FAM83F: variants seen among roughly 807,000 people sequenced by gnomAD.
The protein encoded by FAM83F is protein FAM83F.
FAM83F carries 45 observed loss-of-function variants against 42.9 expected under a neutral mutation model. That is an observed-to-expected ratio of 1.05 (90% CI 0.83 to 1.35). The LOEUF is 1.35. FAM83F is among the 40% of genes most tolerant of loss of function. The probability of loss-of-function intolerance (pLI) is 0.00; values close to 1 mark genes in which losing one functional copy is unlikely to be tolerated. For synonymous variants in FAM83F, 306 were observed against 298.3 expected (o/e 1.03, Z -0.27); for missense variants, 617 against 695.9 (o/e 0.89, Z 1.28).
intron 4 of FAM83F, 121 bp downstream of exon 4, chr22:40,022,084 G>C: frequency 3.3e-6 from 3 of 905,386 alleles, no homozygotes; most frequent in Non-Finnish European, 4.8e-6. Context: ...TGTGGGCACA[G>C]AGAGGGCAGG....
At position 40,021,709 on chromosome 22, in the gene FAM83F, A is replaced by T; in HGVS notation, c.1199A>T (p.Asp400Val). 1 of 1,613,062 alleles carries T rather than the reference A, an allele frequency of 6.2e-7. No homozygotes were observed. Among genetic ancestry groups the T allele is most frequent in the Non-Finnish European group, 8.5e-7 (1 of 1,179,852 alleles). Residue 400 changes from aspartate to valine, a missense_variant, in exon 4 of 5, where the codon GAT becomes GTT. Coordinates refer to ENST00000333407, the MANE Select transcript of FAM83F (RefSeq NM_138435.4). This position sits in a 1 kb window ranked among gnomAD's most constrained non-coding sequence, Gnocchi z 8.7. ...PIPLGELSQKDGRMVSHMHRD... is the reference protein window; with the variant it reads ...PIPLGELSQKVGRMVSHMHRD... ...CCCTTGGGAGAGCTGAGCCAGAAGG[A>T]TGGCAGGATGGTCTCTCACATGCAC...
rs894210091 is a variant in FAM83F, at chr22:40,021,857, G to A, written c.1347G>A (p.Arg449=). ...GGCTCTTCAGTCGCCGAGCCAAGAG[G>A]CCTGCGGCGCCCAATGGCATGGCCA... ...SSRLFSRRAK[R]PAAPNGMASS... Residue 449 remains arginine (R), a synonymous_variant, in exon 4 of 5, where the codon AGG becomes AGA. Coordinates refer to ENST00000333407, the MANE Select transcript of FAM83F (RefSeq NM_138435.4). This position sits in a 1 kb window ranked among gnomAD's most constrained non-coding sequence, Gnocchi z 8.7. 6.2e-7 allele frequency: 1 copy of A among 1,612,126 alleles called. No individual in the cohort carries two copies. Among genetic ancestry groups the A allele is most frequent in the South Asian group, 1.1e-5 (1 of 91,010 alleles).
Position 40,019,178 on chromosome 22 carries a change from T to C in FAM83F, c.500T>C (p.Val167Ala). The C allele has an allele frequency of 1.2e-6, 2 of 1,614,086 alleles. No homozygotes were observed. Among genetic ancestry groups the C allele is most frequent in the Non-Finnish European group, 1.7e-6 (2 of 1,180,018 alleles). Residue 167 changes from valine (V) to alanine (A), a missense_variant, in exon 2 of 5, where the codon GTG (valine) becomes GCG (alanine). Val to Ala is a moderately conservative substitution (Grantham distance 64, BLOSUM62 0). Coordinates refer to ENST00000333407, the MANE Select transcript of FAM83F (RefSeq NM_138435.4). ...CCTTTCCCCACCCAGGTCATTGCTG[T>C]GGTCATGGACCTCTTCACTGATGGT... ...MIQQAQKVIAVVMDLFTDGDI... is the reference protein window; with the variant it reads ...MIQQAQKVIAAVMDLFTDGDI...
chr22:40,041,639 CTG>C lies in FAM83F; in HGVS notation c.*12075_*12076del, dbSNP rs1291132441. Reference sequence around the variant, plus strand: ...GCAGGTTCCATCCAAAGCCGCAGTTCTGGGTGATGAGAGCTCTGAGAGCCCAG... The same window carrying C: ...GCAGGTTCCATCCAAAGCCGCAGTTCGGTGATGAGAGCTCTGAGAGCCCAG... On this transcript the variant is annotated 3_prime_UTR_variant, in exon 5 of 5. Coordinates refer to ENST00000333407, the MANE Select transcript of FAM83F (RefSeq NM_138435.4). The C allele has an allele frequency of 3.3e-5, 5 of 152,168 alleles. No homozygotes were observed. Among genetic ancestry groups the C allele is most frequent in the Non-Finnish European group, 7.3e-5 (5 of 68,028 alleles). The allele number at this position is 152,168 out of a possible 1,614,324, so 9.4% of individuals were successfully genotyped here.
intron 1 of FAM83F, among the ~76,000 whole-genome samples, chr22:40,016,026 A>G (rs1187504473): frequency 6.6e-6 from 1 of 152,072 alleles, no homozygotes; most frequent in African/African-American, 2.4e-5. Context: ...TTGGGCCAAG[A>G]TTTAGGATGG....
At chr22:40,000,683 A>G (rs1436500477) in intron 1 of FAM83F, among the ~76,000 whole-genome samples, 1 of 152,200 alleles carries the variant, frequency 6.6e-6, no homozygotes, top group Non-Finnish European at 1.5e-5. Flanking sequence ...GTCAAGCAAT[A>G]CATTCATTAG....
chr22:40,016,697 A>G (rs1419343635), intron 1 of FAM83F, among the ~76,000 whole-genome samples: 1 of 151,622 alleles, frequency 6.6e-6, no homozygotes, highest in African/African-American at 2.4e-5. Context: ...GGAGTCTCTC[A>G]TTGTCCCCCA....
intron 1 of FAM83F, among the ~76,000 whole-genome samples, chr22:40,002,988 C>T (rs1326580124): frequency 6.6e-6 from 1 of 152,158 alleles, no homozygotes; most frequent in Non-Finnish European, 1.5e-5. Context: ...GGTCTCAGCT[C>T]AAAGTGGTGT....
At chr22:40,005,691 A>C (rs1467448612) in intron 1 of FAM83F, among the ~76,000 whole-genome samples, 1 of 152,252 alleles carries the variant, frequency 6.6e-6, no homozygotes, top group African/African-American at 2.4e-5. Flanking sequence ...GGGTTGCAGC[A>C]GGGAGACCTG....
At chr22:40,014,830 C>G (rs1447659199) in intron 1 of FAM83F, among the ~76,000 whole-genome samples, 1 of 152,152 alleles carries the variant, frequency 6.6e-6, no homozygotes, top group Non-Finnish European at 1.5e-5. Flanking sequence ...GGACTGAGTT[C>G]CTTGCTCTGT....
intron 1 of FAM83F, among the ~76,000 whole-genome samples, chr22:40,000,392 C>T (rs1027281120): frequency 6.6e-6 from 1 of 152,130 alleles, no homozygotes; most frequent in Non-Finnish European, 1.5e-5. Flanking sequence ...TACAGATGCC[C>T]CCGGGCATGG....
At chr22:40,005,331 T>A (rs1236527109) in intron 1 of FAM83F, among the ~76,000 whole-genome samples, 1 of 152,236 alleles carries the variant, frequency 6.6e-6, no homozygotes, top group Non-Finnish European at 1.5e-5. Flanking sequence ...AGCCACTGAT[T>A]TATCTTTCTA....
At chr22:40,011,063 T>C (rs1364523847) in intron 1 of FAM83F, among the ~76,000 whole-genome samples, 17 of 152,214 alleles carry the variant, frequency 1.1e-4, no homozygotes, top group Admixed American at 1.1e-3. Flanking sequence ...CCTCATACTT[T>C]ACCTTTCTCC....
intron 1 of FAM83F, among the ~76,000 whole-genome samples, chr22:40,017,133 G>A (rs1470958863): frequency 6.6e-6 from 1 of 152,116 alleles, no homozygotes; most frequent in East Asian, 1.9e-4. Context: ...TAGAGTCAGG[G>A]TGATGGCAGA....
Position 40,019,318 on chromosome 22 carries a change from A to G in FAM83F, c.640A>G (p.Thr214Ala). 6.2e-7 allele frequency: 1 copy of G among 1,613,914 alleles called. No individual in the cohort carries two copies. Among genetic ancestry groups the G allele is most frequent in the Non-Finnish European group, 8.5e-7 (1 of 1,179,886 alleles). The change falls in exon 2 of 5, where the codon ACT becomes GCT. Residue 214 changes from threonine (T) to alanine (A), a missense_variant. Physicochemically the swap from Thr to Ala is moderately conservative, Grantham distance 58. Coordinates refer to ENST00000333407, the MANE Select transcript of FAM83F (RefSeq NM_138435.4). ...FLEMCQDLQL[T>A]DFRIRNIRVR... ...GGAGATGTGTCAGGACCTGCAGCTC[A>G]CTGACTTCCGGATTCGGGTAAGTTG...
chr22:40,016,116 G>A (rs2067491078), intron 1 of FAM83F, among the ~76,000 whole-genome samples: 1 of 152,184 alleles, frequency 6.6e-6, no homozygotes, highest in Non-Finnish European at 1.5e-5. Context: ...GAGAGGGGGG[G>A]ACAACCAAAG....
chr22:40,019,297 A>G lies in FAM83F; in HGVS notation c.619A>G (p.Met207Val). 6.2e-7 allele frequency: 1 copy of G among 1,614,016 alleles called. No homozygotes were observed. The highest frequency in any genetic ancestry group is 8.5e-7 in the Non-Finnish European group (1 of 1,180,000). The change falls in exon 2 of 5, where the codon ATG becomes GTG. Residue 207 changes from methionine to valine, a missense_variant. Met to Val is a conservative substitution (Grantham distance 21, BLOSUM62 1). Transcript: ENST00000333407. ...DEAGVKYFLE[M>V]CQDLQLTDFR... ...GGCAGGAGTGAAGTATTTCCTGGAG[A>G]TGTGTCAGGACCTGCAGCTCACTGA... is the stretch of plus-strand genomic sequence containing the variant.
rs527620112 is a variant in FAM83F at position 40,037,854 on chromosome 22, A to T, written c.*8289A>T. ...CGCCTCAGCCTCCCAAGTAGCTGGG[A>T]CTACAGGCATGCACCACCCTGCCCA... On this transcript the variant is annotated 3_prime_UTR_variant, in exon 5 of 5. Coordinates refer to ENST00000333407, the MANE Select transcript of FAM83F (RefSeq NM_138435.4). 10 of 151,152 alleles carry T rather than the reference A, an allele frequency of 6.6e-5. No homozygotes were observed. Among genetic ancestry groups the T allele is most frequent in the Non-Finnish European group, 1.5e-4 (10 of 67,874 alleles). 9.4% of individuals were successfully genotyped at this position (151,152 alleles called of 1,614,324 possible).
At chr22:40,027,701 G>A (rs2067561985) in intron 4 of FAM83F, among the ~76,000 whole-genome samples, 1 of 152,228 alleles carries the variant, frequency 6.6e-6, no homozygotes, top group Non-Finnish European at 1.5e-5. Context: ...AATGAATTCT[G>A]AGTCTAGGTG....
Sources: gnomAD v4.1 joint callset for allele counts (sites outside exome capture counted in the v4.1 genomes callset) on GRCh38, gnomAD v4.1.1 for gene constraint, Gnocchi (gnomAD v3.1) non-coding constraint, MANE v1.5 for transcripts, NCBI Gene and HGNC (gene_info 2026-07-23, HGNC 2026-07-21) for gene names.